Variants in ADGRB3 observed in about 807,000 individuals in gnomAD.
ADGRB3 encodes brain-specific angiogenesis inhibitor 3.
Under a neutral mutation model 193.4 loss-of-function variants are expected in ADGRB3, and 37 were observed. The observed-to-expected ratio is 0.19, with a 90% CI of 0.15 to 0.25. The LOEUF (loss-of-function observed/expected upper bound fraction) is 0.25, where lower values mean the gene tolerates loss of function less well. ADGRB3 is among the 10% of genes least tolerant of loss of function. The pLI is 1.00. For synonymous variants in ADGRB3, 690 were observed against 644.2 expected (o/e 1.07, Z -1.08); for missense variants, 1,637 against 1,852.9 (o/e 0.88, Z 2.14).
At chr6:68,917,270 C>T (rs1221570514) in intron 3 of ADGRB3, among the ~76,000 whole-genome samples, 1 of 152,188 alleles carries the variant, frequency 6.6e-6, no homozygotes, top group Non-Finnish European at 1.5e-5. Flanking sequence ...AGTCACACAG[C>T]CACCATTTAA....
At chr6:68,814,895 A>T (rs1767598466) in intron 3 of ADGRB3, among the ~76,000 whole-genome samples, 1 of 152,200 alleles carries the variant, frequency 6.6e-6, no homozygotes, top group Admixed American at 6.6e-5. Flanking sequence ...CCACATGATT[A>T]TCTCAATAGA....
intron 17 of ADGRB3, among the ~76,000 whole-genome samples, chr6:69,181,622 A>T (rs1356003827): frequency 6.6e-6 from 1 of 152,204 alleles, no homozygotes; most frequent in Non-Finnish European, 1.5e-5. Flanking sequence ...TCAAATAAAC[A>T]TAAATGTAAA....
At chr6:69,290,381 G>A (rs188937374) in intron 20 of ADGRB3, among the ~76,000 whole-genome samples, 12 of 152,204 alleles carry the variant, frequency 7.9e-5, no homozygotes, top group African/African-American at 9.6e-5. Context: ...ATTGGTAGCA[G>A]GAGCTGGTCT....
intron 3 of ADGRB3, among the ~76,000 whole-genome samples, chr6:68,756,123 T>C (rs1766294657): frequency 6.6e-6 from 1 of 152,046 alleles, no homozygotes; most frequent in Admixed American, 6.6e-5. Context: ...GCTAGCTAAC[T>C]CGGCTGTGGG....
intron 3 of ADGRB3, among the ~76,000 whole-genome samples, chr6:68,749,402 A>ATG (rs1345002046): frequency 2.6e-5 from 3 of 116,840 alleles, no homozygotes. Context: ...CTTTATATAT[A>ATG]TATATATGTG....
At chr6:68,892,443 A>G (rs1766104640) in intron 3 of ADGRB3, among the ~76,000 whole-genome samples, 1 of 152,178 alleles carries the variant, frequency 6.6e-6, no homozygotes, top group Non-Finnish European at 1.5e-5. Flanking sequence ...CACTCCTCAG[A>G]GAGGTCTTCC....
At chr6:68,661,473 ATGTGTATACATATATATATG>A (rs1236992981) in intron 3 of ADGRB3, among the ~76,000 whole-genome samples, 14 of 118,270 alleles carry the variant, frequency 1.2e-4, no homozygotes, top group Non-Finnish European at 1.6e-4. Context: ...GTGTATATAT[ATGTGTATACATATATATATG>A]TGTGTATACA....
intron 3 of ADGRB3, among the ~76,000 whole-genome samples, chr6:68,817,361 A>ATATATATAT (rs1767658182): frequency 1.3e-5 from 1 of 79,424 alleles, no homozygotes; most frequent in African/African-American, 4.1e-5. Context: ...ATATATATAT[A>ATATATATAT]ATTTCTGACT....
chr6:68,776,210 A>G (rs1343032645), intron 3 of ADGRB3, among the ~76,000 whole-genome samples: 1 of 152,178 alleles, frequency 6.6e-6, no homozygotes, highest in East Asian at 1.9e-4. Context: ...TAATGAGGTA[A>G]GGGACTGAGA....
chr6:68,688,526 C>G (rs1047718977), intron 3 of ADGRB3, among the ~76,000 whole-genome samples: 1 of 152,144 alleles, frequency 6.6e-6, no homozygotes, highest in Admixed American at 6.6e-5. Context: ...TTCACCACAA[C>G]TGGATCTCAA....
At chr6:69,060,906 C>T (rs934743803) in intron 15 of ADGRB3, among the ~76,000 whole-genome samples, 4 of 152,134 alleles carry the variant, frequency 2.6e-5, no homozygotes, top group Admixed American at 1.3e-4. Flanking sequence ...CCCAGGATCA[C>T]CTCTCAACTT....
intron 20 of ADGRB3, among the ~76,000 whole-genome samples, chr6:69,316,082 T>C (rs2127302860): frequency 6.6e-6 from 1 of 151,492 alleles, no homozygotes. Context: ...TCTTTTGCTT[T>C]TTGAAAAACT....
chr6:68,830,665 A>T lies in ADGRB3; in HGVS notation c.758-99894A>T, dbSNP rs191023449. On this transcript the variant is annotated intron_variant, in intron 3 of 31. Coordinates refer to ENST00000370598, the MANE Select transcript of ADGRB3 (RefSeq NM_001704.3). ...TCCAGCAGAAGAAGTCAAGGTTATG[A>T]GAGAGGAAACTAAGTTGATATAAAA... Among the ~76,000 whole-genome samples, 675 of 152,276 alleles carry T rather than the reference A, an allele frequency of 4.4e-3. 4 individuals carry two copies. The highest frequency in any genetic ancestry group is 0.014 in the Middle Eastern group (4 of 294).
At chr6:68,919,230 A>C (rs1766961213) in intron 3 of ADGRB3, among the ~76,000 whole-genome samples, 1 of 152,204 alleles carries the variant, frequency 6.6e-6, no homozygotes, top group Non-Finnish European at 1.5e-5. Context: ...TATTTTGATA[A>C]GCCTAAAACA....
chr6:69,082,118 T>C (rs541185208), intron 17 of ADGRB3, among the ~76,000 whole-genome samples: 3 of 152,196 alleles, frequency 2.0e-5, no homozygotes, highest in African/African-American at 4.8e-5. Context: ...AACTGCAAAG[T>C]TGAGTCACAA....
At chr6:69,320,882 AT>A (rs1258644859) in intron 20 of ADGRB3, among the ~76,000 whole-genome samples, 4 of 144,904 alleles carry the variant, frequency 2.8e-5, no homozygotes, top group Admixed American at 7.0e-5. Flanking sequence ...CGCCGGGAGA[AT>A]TTTTACAGTG....
At chr6:68,730,750 A>G (rs1335796239) in intron 3 of ADGRB3, among the ~76,000 whole-genome samples, 1 of 151,712 alleles carries the variant, frequency 6.6e-6, no homozygotes, top group Non-Finnish European at 1.5e-5. Context: ...GTAGTCAGGG[A>G]AAACACTAAA....
At chr6:68,800,290 G>C (rs901081234) in intron 3 of ADGRB3, among the ~76,000 whole-genome samples, 2 of 152,168 alleles carry the variant, frequency 1.3e-5, no homozygotes, top group African/African-American at 4.8e-5. Flanking sequence ...CAAAGTTCTG[G>C]AGGAATATGG....
At chr6:69,175,281 G>C (rs1246789020) in intron 17 of ADGRB3, among the ~76,000 whole-genome samples, 1 of 152,128 alleles carries the variant, frequency 6.6e-6, no homozygotes. Flanking sequence ...GGTCTTACAT[G>C]TAAGTGTTTA....
Sources: allele counts gnomAD v4.1 joint callset (sites outside exome capture counted in the v4.1 genomes callset), GRCh38; gene constraint gnomAD v4.1.1; transcripts MANE v1.5; gene names NCBI Gene and HGNC (gene_info 2026-07-23, HGNC 2026-07-21).